ENTREP2: variants seen among roughly 807,000 people sequenced by gnomAD.
ENTREP2 encodes endosomal transmembrane epsin interactor 2, also known as protein ENTREP2.
chr15:29,523,562 T>TCTTG, the ENTREP2 span, among the ~76,000 whole-genome samples: 193 of 89,032 alleles, frequency 2.2e-3, 1 homozygote, highest in African/African-American at 9.5e-3. Context: ...CCCAGCTAGA[T>TCTTG]TTTTTTTTTT....
At chr15:29,572,270 G>A in the ENTREP2 span, among the ~76,000 whole-genome samples, 1 of 152,216 alleles carries the variant, frequency 6.6e-6, no homozygotes, top group Non-Finnish European at 1.5e-5. Flanking sequence ...GCCAAACGCT[G>A]CCTTCTCCCC....
the ENTREP2 span, among the ~76,000 whole-genome samples, chr15:29,250,245 C>G: frequency 2.4e-4 from 37 of 152,296 alleles, no homozygotes; most frequent in African/African-American, 8.2e-4. Context: ...ACTGTTTGTG[C>G]TGCACACATT....
At chr15:29,241,866 C>A in the ENTREP2 span, among the ~76,000 whole-genome samples, 6 of 150,512 alleles carry the variant, frequency 4.0e-5, no homozygotes, top group African/African-American at 7.3e-5. Flanking sequence ...GACCCCCCCC[C>A]ACCACCACCC....
At chr15:29,561,785 T>C in the ENTREP2 span, among the ~76,000 whole-genome samples, 1 of 152,094 alleles carries the variant, frequency 6.6e-6, no homozygotes, top group African/African-American at 2.4e-5. Context: ...TAGAGGAGGC[T>C]GGTTTGGGTG....
chr15:29,570,608 T>C, the ENTREP2 span: 6 of 1,452,142 alleles, frequency 4.1e-6, no homozygotes, highest in Non-Finnish European at 5.4e-6. Context: ...GAGCGCCATC[T>C]GCGTGGCCCC....
chr15:29,425,260 G>A, the ENTREP2 span, among the ~76,000 whole-genome samples: 9 of 150,822 alleles, frequency 6.0e-5, no homozygotes, highest in East Asian at 5.8e-4. Context: ...GGATGGTCTC[G>A]ATCTCCTGAC....
At chr15:29,512,441 T>C in the ENTREP2 span, among the ~76,000 whole-genome samples, 1 of 152,188 alleles carries the variant, frequency 6.6e-6, no homozygotes, top group Non-Finnish European at 1.5e-5. Flanking sequence ...TTCCTAATTA[T>C]CACTCCTGCT....
chr15:29,618,468 A>C, the ENTREP2 span, among the ~76,000 whole-genome samples: 1 of 151,500 alleles, frequency 6.6e-6, no homozygotes, highest in African/African-American at 2.4e-5. Flanking sequence ...CAGGAAACGC[A>C]CTTTGAAGGG....
At chr15:29,379,290 G>A in the ENTREP2 span, among the ~76,000 whole-genome samples, 1 of 152,196 alleles carries the variant, frequency 6.6e-6, no homozygotes, top group Non-Finnish European at 1.5e-5. Flanking sequence ...GAGCCCCTCT[G>A]TGAAGCCTGC....
the ENTREP2 span, among the ~76,000 whole-genome samples, chr15:29,642,474 TATATACAC>T: frequency 1.5e-5 from 2 of 134,978 alleles, no homozygotes; most frequent in South Asian, 2.4e-4. Flanking sequence ...ATATATACTG[TATATACAC>T]ATATATACAT....
At chr15:29,154,048 C>A in the ENTREP2 span, among the ~76,000 whole-genome samples, 1 of 152,186 alleles carries the variant, frequency 6.6e-6, no homozygotes, top group Admixed American at 6.5e-5. Flanking sequence ...TTTTTAATTT[C>A]ATTTTCCAAA....
At chr15:29,430,060 G>A in the ENTREP2 span, among the ~76,000 whole-genome samples, 1 of 152,180 alleles carries the variant, frequency 6.6e-6, no homozygotes, top group South Asian at 2.1e-4. Flanking sequence ...TTGTCTCTAA[G>A]GAGAAATCAA....
At chr15:29,446,609 G>A in the ENTREP2 span, among the ~76,000 whole-genome samples, 3 of 152,290 alleles carry the variant, frequency 2.0e-5, no homozygotes, top group Non-Finnish European at 4.4e-5. Context: ...CTTGATATAC[G>A]TGTATACTGT....
At chr15:29,595,231 C>T in the ENTREP2 span, among the ~76,000 whole-genome samples, 25 of 151,846 alleles carry the variant, frequency 1.6e-4, no homozygotes, top group South Asian at 4.2e-4. Context: ...CCAGCCTGGG[C>T]GGCAGAGTGA....
the ENTREP2 span, among the ~76,000 whole-genome samples, chr15:29,338,957 G>A: frequency 1.6e-3 from 246 of 152,282 alleles, no homozygotes; most frequent in Non-Finnish European, 3.2e-3. Flanking sequence ...CCTGTGCCAG[G>A]CCCAGTCCTC....
chr15:29,556,937 G>A, the ENTREP2 span, among the ~76,000 whole-genome samples: 1 of 152,214 alleles, frequency 6.6e-6, no homozygotes, highest in Non-Finnish European at 1.5e-5. Context: ...GGCCAAAGGG[G>A]TGGATATTCC....
chr15:29,408,291 AGAG>A, the ENTREP2 span, among the ~76,000 whole-genome samples: 4 of 152,298 alleles, frequency 2.6e-5, no homozygotes, highest in Middle Eastern at 0.01. Context: ...GGGGAGCAGC[AGAG>A]GAGGGAGACA....
At chr15:29,646,329 C>A in the ENTREP2 span, among the ~76,000 whole-genome samples, 24 of 152,258 alleles carry the variant, frequency 1.6e-4, no homozygotes, top group African/African-American at 5.1e-4. Flanking sequence ...GGGTTTTTAT[C>A]TGAAGGCTCG....
the ENTREP2 span, among the ~76,000 whole-genome samples, chr15:29,150,911 A>C: frequency 6.6e-6 from 1 of 152,114 alleles, no homozygotes; most frequent in Non-Finnish European, 1.5e-5. Flanking sequence ...GAGAGACAGA[A>C]AGAGACCGAG....
Sources: allele counts gnomAD v4.1 joint callset (sites outside exome capture counted in the v4.1 genomes callset), GRCh38; gene constraint gnomAD v4.1.1; transcripts MANE v1.5; gene names NCBI Gene and HGNC (gene_info 2026-07-23, HGNC 2026-07-21).